PROS1: variants seen among roughly 807,000 people sequenced by gnomAD.
PROS1 encodes protein S.
PROS1 carries 29 observed loss-of-function variants against 75.9 expected under a neutral mutation model. The observed-to-expected ratio is 0.38, with a 90% confidence interval of 0.28 to 0.52. The LOEUF is 0.52. Among genes scored for constraint, PROS1 ranks in the 20% least tolerant of loss-of-function variants. The probability of loss-of-function intolerance (pLI) is 0.83; values close to 1 mark genes in which losing one functional copy is unlikely to be tolerated. For synonymous variants in PROS1, 245 were observed against 280.6 expected (o/e 0.87, Z 1.27); for missense variants, 680 against 810.3 (o/e 0.84, Z 1.95).
intron 1 of PROS1, among the ~76,000 whole-genome samples, chr3:93,927,873 A>ATATATATATG (rs1394772124): frequency 4.0e-5 from 5 of 124,148 alleles, no homozygotes; most frequent in Admixed American, 1.7e-4. Flanking sequence ...ATATATATAT[A>ATATATATATG]TGTGTGTATG....
intron 1 of PROS1, among the ~76,000 whole-genome samples, chr3:93,961,337 GGA>G (rs1559952759): frequency 1.3e-5 from 2 of 152,196 alleles, no homozygotes; most frequent in African/African-American, 4.8e-5. Flanking sequence ...AACAGTGATA[GGA>G]GACAAAAAGC....
intron 14 of PROS1, among the ~76,000 whole-genome samples, chr3:93,875,393 A>G (rs951315844): frequency 7.3e-5 from 11 of 151,436 alleles, no homozygotes; most frequent in African/African-American, 1.9e-4. Context: ...AATCTTCCCC[A>G]CTCTTTCTCT....
intron 10 of PROS1, among the ~76,000 whole-genome samples, chr3:93,892,292 G>A (rs187022540): frequency 1.7e-4 from 26 of 149,944 alleles, no homozygotes; most frequent in African/African-American, 4.9e-4. Flanking sequence ...ACCATGCCAC[G>A]GCACTCCAGC....
chr3:93,952,536 C>G (rs1053918651), intron 1 of PROS1, among the ~76,000 whole-genome samples: 1 of 152,076 alleles, frequency 6.6e-6, no homozygotes, highest in Admixed American at 6.5e-5. Flanking sequence ...CCAATGAGAA[C>G]AAAGACACAA....
intron 1 of PROS1, among the ~76,000 whole-genome samples, chr3:93,969,139 T>TG (rs1292946892): frequency 2.0e-5 from 3 of 150,284 alleles, no homozygotes; most frequent in Non-Finnish European, 3.0e-5. Flanking sequence ...TTTTTTTTTT[T>TG]TTGCATATAA....
Position 93,941,826 on chromosome 3 carries a change from C to T in PROS1, c.77-14419G>A, listed in dbSNP as rs564510482. Among the ~76,000 whole-genome samples the T allele has an allele frequency of 5.3e-5, 8 of 152,268 alleles. No individual in the cohort carries two copies. The South Asian group carries it at 1.7e-3, about 32-fold the overall frequency. On this transcript the variant is annotated intron_variant, in intron 1 of 14. Coordinates refer to ENST00000394236, the MANE Select transcript of PROS1 (RefSeq NM_000313.4). ...GAGGCCCTCAAAATCACAAACTATT[C>T]TCAACACACTCTCTACAATTCTCAT...
intron 1 of PROS1, among the ~76,000 whole-genome samples, chr3:93,931,156 C>A (rs768358768): frequency 6.6e-6 from 1 of 152,120 alleles, no homozygotes; most frequent in Non-Finnish European, 1.5e-5. Flanking sequence ...GAATTATCAT[C>A]CCTATTTTCC....
chr3:93,966,075 G>T (rs1709786063), intron 1 of PROS1, among the ~76,000 whole-genome samples: 2 of 152,228 alleles, frequency 1.3e-5, no homozygotes, highest in South Asian at 4.2e-4. Flanking sequence ...CCTCTCTGTG[G>T]TATACCAATA....
In PROS1 at chr3:93,945,660, C is replaced by G. The variant is rs1216602313; in HGVS notation, c.77-18253G>C. Among the ~76,000 whole-genome samples, 11 of 152,196 alleles carry G rather than the reference C, an allele frequency of 7.2e-5. No homozygotes were observed. In the East Asian group the frequency reaches 1.9e-3, roughly 27 times the overall value. On this transcript the variant is annotated intron_variant, in intron 1 of 14. Coordinates refer to ENST00000394236, the MANE Select transcript of PROS1 (RefSeq NM_000313.4). ...AGCTAGGTATTGATGGGACGTATCTCAAAATAATAAGAGCTATTTATGACA... is the reference window on the plus strand; with the variant it reads ...AGCTAGGTATTGATGGGACGTATCTGAAAATAATAAGAGCTATTTATGACA...
chr3:93,912,115 G>T (rs1340922149), intron 3 of PROS1, among the ~76,000 whole-genome samples: 2 of 151,940 alleles, frequency 1.3e-5, no homozygotes, highest in East Asian at 3.9e-4. Flanking sequence ...AAACCAAAAG[G>T]GCTAGCAGGG....
intron 3 of PROS1, among the ~76,000 whole-genome samples, chr3:93,918,816 A>G (rs1708899641): frequency 1.3e-5 from 2 of 152,138 alleles, no homozygotes; most frequent in African/African-American, 2.4e-5. Flanking sequence ...AAAGTGTTGG[A>G]ATTACAGGCA....
At chr3:93,939,607 G>C (rs1709249110) in intron 1 of PROS1, among the ~76,000 whole-genome samples, 1 of 152,082 alleles carries the variant, frequency 6.6e-6, no homozygotes, top group South Asian at 2.1e-4. Flanking sequence ...TTAAAGAGGT[G>C]GCTGGAGCTA....
chr3:93,973,803 G>T lies in PROS1; in HGVS notation c.-54C>A. The T allele has an allele frequency of 2.0e-6, 3 of 1,493,464 alleles. No individual in the cohort carries two copies. Among genetic ancestry groups the T allele is most frequent in the Non-Finnish European group, 2.7e-6 (3 of 1,093,016 alleles). 92.5% of individuals were successfully genotyped at this position (1,493,464 alleles called of 1,614,324 possible). Reference sequence around the variant, plus strand: ...ACGGTGGCGCGTCGCGGCGGGGACCGGAGCGCTAGGCGCCGCGGAGCTGCG... The same window carrying T: ...ACGGTGGCGCGTCGCGGCGGGGACCTGAGCGCTAGGCGCCGCGGAGCTGCG... On this transcript the variant is annotated 5_prime_UTR_variant, in exon 1 of 15. Coordinates refer to ENST00000394236, the MANE Select transcript of PROS1 (RefSeq NM_000313.4).
chr3:93,910,968 T>A, intron 3 of PROS1: 1 of 428,230 alleles, frequency 2.3e-6, no homozygotes, highest in Non-Finnish European at 4.3e-6. Flanking sequence ...AAGTCAGAAG[T>A]GAAAAAAACC....
intron 1 of PROS1, among the ~76,000 whole-genome samples, chr3:93,936,092 C>G (rs1171805860): frequency 1.3e-5 from 2 of 151,772 alleles, no homozygotes; most frequent in South Asian, 2.1e-4. Context: ...CCATCTCCCC[C>G]CCACACCCCT....
At chr3:93,940,317 C>T (rs570328958) in intron 1 of PROS1, among the ~76,000 whole-genome samples, 1 of 152,126 alleles carries the variant, frequency 6.6e-6, no homozygotes, top group East Asian at 1.9e-4. Context: ...CTGGAAGCCT[C>T]CTGGACCATC....
intron 1 of PROS1, among the ~76,000 whole-genome samples, chr3:93,957,942 GC>G (rs1295946032): frequency 6.6e-6 from 1 of 152,022 alleles, no homozygotes; most frequent in African/African-American, 2.4e-5. Flanking sequence ...ACAGAACTTA[GC>G]TGGGCACAGT....
Position 93,898,505 on chromosome 3 carries a change from A to G in PROS1, c.792T>C (p.Thr264=), listed in dbSNP as rs746804462. ...ATCCTTTCTTCCCATCACAATAGCA[A>G]GTGTAACCTCCAGGGTAATTGACAC... The part of the protein sequence containing the change: ...QLCVNYPGGY[T]CYCDGKKGFK... The change falls in exon 8 of 15, where the codon ACT becomes ACC. Residue 264 remains threonine, a synonymous_variant. Coordinates refer to ENST00000394236, the MANE Select transcript of PROS1 (RefSeq NM_000313.4). 1.7e-5 allele frequency: 27 copies of G among 1,612,888 alleles called. No individual in the cohort carries two copies. In the South Asian group the frequency reaches 2.7e-4, roughly 16 times the overall value.
At chr3:93,972,682 T>C (rs908157450) in intron 1 of PROS1, among the ~76,000 whole-genome samples, 1 of 89,956 alleles carries the variant, frequency 1.1e-5, no homozygotes, top group South Asian at 3.4e-4. Flanking sequence ...CTAGTAAAAA[T>C]ACAAAAAAAA....
Sources: allele counts gnomAD v4.1 joint callset (sites outside exome capture counted in the v4.1 genomes callset), GRCh38; gene constraint gnomAD v4.1.1; transcripts MANE v1.5; gene names NCBI Gene and HGNC (gene_info 2026-07-23, HGNC 2026-07-21).